The following PLCB1 variants were observed in gnomAD, a reference collection of about 807,000 sequenced individuals.
PLCB1 encodes the protein phospholipase C beta 1.
PLCB1 carries 46 observed loss-of-function variants against 161.8 expected under a neutral mutation model. That is an observed-to-expected ratio of 0.28 (90% CI 0.22 to 0.36). The LOEUF (loss-of-function observed/expected upper bound fraction) is 0.36, where lower values mean the gene tolerates loss of function less well. Among genes scored for constraint, PLCB1 ranks in the 10% least tolerant of loss-of-function variants. The pLI, the probability that PLCB1 is intolerant of heterozygous loss-of-function variation, is 1.00. For synonymous variants in PLCB1, 517 were observed against 503.7 expected (o/e 1.03, Z -0.35); for missense variants, 1,016 against 1,472.5 (o/e 0.69, Z 5.07).
intron 3 of PLCB1, among the ~76,000 whole-genome samples, chr20:8,440,768 A>G (rs1006080919): frequency 1.3e-5 from 2 of 152,110 alleles, no homozygotes; most frequent in Non-Finnish European, 2.9e-5. Flanking sequence ...CATATGGTAT[A>G]TAGTATCAGA....
intron 2 of PLCB1, among the ~76,000 whole-genome samples, chr20:8,253,938 A>G (rs1029498229): frequency 3.3e-5 from 5 of 152,016 alleles, no homozygotes; most frequent in African/African-American, 1.2e-4. Context: ...ATGTTGCTGC[A>G]AAGGACATGA....
Position 8,788,477 on chromosome 20 carries a change from A to G in PLCB1, c.3140A>G (p.Glu1047Gly). ...LLIQKLTDVA[E>G]ECQNNQLKKL... ...ATTCAAAAGTTGACGGATGTCGCAGAAGAGTGTCAGAACAATCAGTTAAAG... is the reference window on the plus strand; with the variant it reads ...ATTCAAAAGTTGACGGATGTCGCAGGAGAGTGTCAGAACAATCAGTTAAAG... Residue 1047 changes from glutamate (E) to glycine (G), a missense_variant, in exon 28 of 32, where the codon GAA becomes GGA. Glu to Gly is a moderately conservative substitution (Grantham distance 98). This residue lies in a region of PLCB1 where 398 missense variants were observed against 445.4 expected (regional missense o/e 0.89). Coordinates refer to ENST00000338037, the MANE Select transcript of PLCB1 (RefSeq NM_015192.4). The G allele has an allele frequency of 6.2e-7, 1 of 1,613,794 alleles. No individual in the cohort carries two copies. Among genetic ancestry groups the G allele is most frequent in the South Asian group, 1.1e-5 (1 of 90,950 alleles).
chr20:8,635,302 A>AGG (rs1175460554), intron 4 of PLCB1, among the ~76,000 whole-genome samples: 5 of 151,960 alleles, frequency 3.3e-5, no homozygotes, highest in Non-Finnish European at 7.4e-5. Context: ...GAGAAGGGAA[A>AGG]GGAAAAGGAA....
chr20:8,570,449 A>G (rs1307622918), intron 3 of PLCB1, among the ~76,000 whole-genome samples: 2 of 152,220 alleles, frequency 1.3e-5, no homozygotes, highest in Admixed American at 6.5e-5. Flanking sequence ...GTAAAGATAC[A>G]TATATACGAA....
chr20:8,806,164 G>C (rs1984527973), intron 31 of PLCB1, among the ~76,000 whole-genome samples: 2 of 152,046 alleles, frequency 1.3e-5, no homozygotes, highest in South Asian at 4.1e-4. Flanking sequence ...CTAGATTTTA[G>C]AAAACCTCCA....
intron 31 of PLCB1, among the ~76,000 whole-genome samples, chr20:8,812,935 T>G (rs1339202990): frequency 6.6e-6 from 1 of 152,182 alleles, no homozygotes; most frequent in Non-Finnish European, 1.5e-5. Context: ...GAGAGTGGTT[T>G]GAGAAGTGTT....
At chr20:8,746,535 A>G (rs976906812) in intron 23 of PLCB1, among the ~76,000 whole-genome samples, 2 of 152,090 alleles carry the variant, frequency 1.3e-5, no homozygotes, top group African/African-American at 4.8e-5. Context: ...TTCTCAAGAC[A>G]GGGTCTCAAT....
chr20:8,271,483 C>G (rs1982277472), intron 2 of PLCB1, among the ~76,000 whole-genome samples: 1 of 151,934 alleles, frequency 6.6e-6, no homozygotes, highest in African/African-American at 2.4e-5. Flanking sequence ...TATGGAAAAC[C>G]ATTTATATTA....
At chr20:8,590,246 G>C (rs957155192) in intron 3 of PLCB1, among the ~76,000 whole-genome samples, 6 of 152,080 alleles carry the variant, frequency 3.9e-5, no homozygotes, top group Non-Finnish European at 7.4e-5. Context: ...GAAATTCCCA[G>C]CACAATGTAC....
rs887904415 is a variant in PLCB1 at position 8,159,246 on chromosome 20, C to G, written c.177+8875C>G. Reference sequence around the variant, plus strand: ...CTTCTGTGCACCCACAGACTCAACACCATGTGGAAGCTGTCAAGGCTTGGT... The same window carrying G: ...CTTCTGTGCACCCACAGACTCAACAGCATGTGGAAGCTGTCAAGGCTTGGT... On this transcript the variant is annotated intron_variant, in intron 2 of 31. Transcript: ENST00000338037. Among the ~76,000 whole-genome samples the G allele has an allele frequency of 2.2e-4, 33 of 152,206 alleles. 1 individual carries two copies. Among genetic ancestry groups the G allele is most frequent in the African/African-American group, 7.7e-4 (32 of 41,446 alleles).
chr20:8,776,617 T>G (rs1982956286), intron 27 of PLCB1, among the ~76,000 whole-genome samples: 1 of 152,220 alleles, frequency 6.6e-6, no homozygotes, highest in Non-Finnish European at 1.5e-5. Context: ...AGAATCAATT[T>G]TAGAGCATTT....
intron 31 of PLCB1, among the ~76,000 whole-genome samples, chr20:8,849,332 G>A (rs1339602919): frequency 6.6e-6 from 1 of 152,122 alleles, no homozygotes; most frequent in Non-Finnish European, 1.5e-5. Flanking sequence ...AAACTGAGAT[G>A]CAGACTGGCC....
At chr20:8,235,390 A>G (rs1980265616) in intron 2 of PLCB1, among the ~76,000 whole-genome samples, 1 of 152,162 alleles carries the variant, frequency 6.6e-6, no homozygotes, top group African/African-American at 2.4e-5. Flanking sequence ...ATGTTTTATT[A>G]TTGGAAAATA....
rs1980147390 is a variant in PLCB1, at chr20:8,433,431, A to C, written c.246+61981A>C. Among the ~76,000 whole-genome samples, 4 of 148,524 alleles carry C rather than the reference A, an allele frequency of 2.7e-5. 1 individual carries two copies. The South Asian group carries it at 8.5e-4, about 32-fold the overall frequency. Reference sequence around the variant, plus strand: ...TGCAATGTGGAAGCTGCTTTTGCTCATGCTTTCTGAAGATCTTCCATAAAG... The same window carrying C: ...TGCAATGTGGAAGCTGCTTTTGCTCCTGCTTTCTGAAGATCTTCCATAAAG... On this transcript the variant is annotated intron_variant, in intron 3 of 31. Coordinates refer to ENST00000338037, the MANE Select transcript of PLCB1 (RefSeq NM_015192.4).
intron 3 of PLCB1, among the ~76,000 whole-genome samples, chr20:8,525,835 TTAGCTCTTTCTG>T (rs1008085339): frequency 6.6e-6 from 1 of 152,028 alleles, no homozygotes; most frequent in African/African-American, 2.4e-5. Context: ...CTCTATTCTG[TTAGCTCTTTCTG>T]TAGCTCTATT....
intron 9 of PLCB1, 29 bp downstream of exon 9, chr20:8,658,733 A>G (rs1456708869): frequency 1.3e-6 from 2 of 1,564,530 alleles, no homozygotes. Context: ...ACCAAAGGGA[A>G]GCTCTTGTTT....
At chr20:8,402,734 A>G (rs1348532997) in intron 3 of PLCB1, among the ~76,000 whole-genome samples, 2 of 151,470 alleles carry the variant, frequency 1.3e-5, no homozygotes, top group African/African-American at 4.9e-5. Flanking sequence ...AGTCCTAGCT[A>G]CTCGGGAGGC....
At chr20:8,699,494 A>AT (rs894496456) in intron 11 of PLCB1, among the ~76,000 whole-genome samples, 7 of 151,704 alleles carry the variant, frequency 4.6e-5, no homozygotes, top group East Asian at 3.9e-4. Flanking sequence ...GGGAACTAGG[A>AT]TTTTTTTTTA....
chr20:8,354,459 A>G (rs1986294948), intron 2 of PLCB1, among the ~76,000 whole-genome samples: 1 of 152,224 alleles, frequency 6.6e-6, no homozygotes, highest in Non-Finnish European at 1.5e-5. Context: ...AAATCACAGC[A>G]AATAAATTAG....
Sources: gnomAD v4.1 joint callset for allele counts (sites outside exome capture counted in the v4.1 genomes callset) on GRCh38, gnomAD v4.1.1 for gene constraint, gnomAD v4.1.1 regional missense constraint, MANE v1.5 for transcripts, NCBI Gene and HGNC (gene_info 2026-07-23, HGNC 2026-07-21) for gene names.